Variants in RXRA observed in about 807,000 individuals in gnomAD.
RXRA encodes retinoic acid receptor RXR-alpha.
In RXRA, 5 loss-of-function variants were observed where a neutral mutation model predicts 44.5. The observed-to-expected ratio is 0.11, with a 90% CI of 0.06 to 0.24. The LOEUF is 0.24. RXRA is among the 10% of genes least tolerant of loss of function. The pLI, the probability that RXRA is intolerant of heterozygous loss-of-function variation, is 1.00. For missense variants in RXRA, 412 were observed against 646.5 expected, an observed-to-expected ratio of 0.64 and a Z score of 3.93; for synonymous variants, 291 against 271.4, an observed-to-expected ratio of 1.07 and a Z score of -0.71.
chr9:134,377,575 C>T (rs544585280), intron 1 of RXRA, among the ~76,000 whole-genome samples: 9 of 152,324 alleles, frequency 5.9e-5, no homozygotes, highest in East Asian at 1.9e-4. Flanking sequence ...CCAGCTCCCG[C>T]GACCCCTCGG....
rs548642529 is a variant in RXRA at position 134,337,738 on chromosome 9, A to G, written c.28+11079A>G. 2.6e-5 allele frequency among the ~76,000 whole-genome samples: 4 copies of G among 152,120 alleles called. No homozygotes were observed. In the South Asian group the frequency reaches 6.2e-4, roughly 24 times the overall value. On this transcript the variant is annotated intron_variant, in intron 1 of 9. Coordinates refer to ENST00000481739, the MANE Select transcript of RXRA (RefSeq NM_002957.6). ...CCTGTGTCTTCACTTTGCGTCGTCG[A>G]AGGTTTCCAGGGCAGAGCTCGCTGA...
intron 1 of RXRA, among the ~76,000 whole-genome samples, chr9:134,377,049 G>A (rs750376268): frequency 2.0e-5 from 3 of 152,216 alleles, no homozygotes; most frequent in Non-Finnish European, 2.9e-5. Flanking sequence ...CCCTGTGACT[G>A]CTGGCCTAGG....
At chr9:134,326,995 C>G (rs76990528) in intron 1 of RXRA, among the ~76,000 whole-genome samples, 3 of 151,570 alleles carry the variant, frequency 2.0e-5, no homozygotes, top group Non-Finnish European at 4.4e-5. Flanking sequence ...GGAACCCGGC[C>G]GGAGCGGGAG....
chr9:134,328,743 C>G (rs781903933), intron 1 of RXRA, among the ~76,000 whole-genome samples: 1 of 152,300 alleles, frequency 6.6e-6, no homozygotes, highest in South Asian at 2.1e-4. Flanking sequence ...CCCGGCTGGC[C>G]GACCGGTCAG....
chr9:134,373,127 G>A (rs1399004958), intron 1 of RXRA, among the ~76,000 whole-genome samples: 1 of 152,164 alleles, frequency 6.6e-6, no homozygotes, highest in African/African-American at 2.4e-5. Context: ...GCTGGGCTGG[G>A]CCACACAGCC....
intron 6 of RXRA, chr9:134,424,349 T>C: frequency 1.0e-6 from 1 of 985,328 alleles, no homozygotes; most frequent in Non-Finnish European, 1.2e-6. Context: ...CAGCGGCTCT[T>C]TCCGGGAGAT....
rs1831439302 is a variant in RXRA, at chr9:134,426,619, A to G, written c.911-2489A>G. 1 of 985,384 alleles carries G rather than the reference A, an allele frequency of 1.0e-6. No homozygotes were observed. The highest frequency in any genetic ancestry group is 1.2e-6 in the Non-Finnish European group (1 of 829,914). 61.0% of individuals were successfully genotyped at this position (985,384 alleles called of 1,614,324 possible). On this transcript the variant is annotated intron_variant, in intron 6 of 9. Coordinates refer to ENST00000481739, the MANE Select transcript of RXRA (RefSeq NM_002957.6). The surrounding 1 kb of genome is among the most constrained non-coding windows in gnomAD (Gnocchi z 4.6). ...CGCCTTCTGACCCCAGCCGTGCACT[A>G]GGCCCCTCTGCTGGGCACACCAGAG...
chr9:134,330,542 C>G (rs1013020072), intron 1 of RXRA, among the ~76,000 whole-genome samples: 1 of 152,210 alleles, frequency 6.6e-6, no homozygotes, highest in Non-Finnish European at 1.5e-5. Flanking sequence ...CCTCCTCCCC[C>G]CTGCACCTTG....
At chr9:134,405,687 T>A (rs1350179614) in intron 2 of RXRA, 1 of 152,386 alleles carries the variant, frequency 6.6e-6, no homozygotes, top group Non-Finnish European at 1.5e-5. Flanking sequence ...TCCTTTGTGC[T>A]TCCGAGCAAC....
chr9:134,337,956 T>C (rs1308633261), intron 1 of RXRA, among the ~76,000 whole-genome samples: 3 of 152,088 alleles, frequency 2.0e-5, no homozygotes, highest in African/African-American at 4.8e-5. Context: ...GATGGGTGAC[T>C]GCGCCCCCAG....
chr9:134,425,097 C>G (rs1487090034), intron 6 of RXRA: 20 of 985,386 alleles, frequency 2.0e-5, no homozygotes, highest in Non-Finnish European at 2.3e-5. Flanking sequence ...GGTCTCTGCT[C>G]ACTCCGGGGA....
chr9:134,348,832 C>T (rs1318326262), intron 1 of RXRA, among the ~76,000 whole-genome samples: 1 of 152,220 alleles, frequency 6.6e-6, no homozygotes, highest in African/African-American at 2.4e-5. Context: ...GAAACCGGGC[C>T]TGGGGTTGCA....
intron 1 of RXRA, among the ~76,000 whole-genome samples, chr9:134,376,742 A>C (rs1169001223): frequency 5.9e-5 from 3 of 50,868 alleles, no homozygotes; most frequent in African/African-American, 1.9e-4. Context: ...ATGGAAATGA[A>C]AGCGTGGTAG....
At chr9:134,413,678 G>C (rs544406458) in intron 4 of RXRA, among the ~76,000 whole-genome samples, 168 of 152,298 alleles carry the variant, frequency 1.1e-3, no homozygotes, top group African/African-American at 3.8e-3. Context: ...CCTCGGCTCC[G>C]ACATGCCTGC....
Position 134,326,565 on chromosome 9 carries a change from C to T in RXRA, c.-67C>T. 2.0e-6 allele frequency: 1 copy of T among 499,790 alleles called. No homozygotes were observed. Among genetic ancestry groups the T allele is most frequent in the Non-Finnish European group, 2.6e-6 (1 of 391,494 alleles). 31.0% of individuals were successfully genotyped at this position (499,790 alleles called of 1,614,324 possible). A position where few individuals can be genotyped will look rare whatever the true frequency, so the allele number is the denominator to read the frequency against. ...CCGCCGCCCGGGCCCGGGCCGGCCGCGCCGGGGGCCGCCGCGCCCGCCGCC... is the reference window on the plus strand; with the variant it reads ...CCGCCGCCCGGGCCCGGGCCGGCCGTGCCGGGGGCCGCCGCGCCCGCCGCC... On this transcript the variant is annotated 5_prime_UTR_variant, in exon 1 of 10. Coordinates refer to ENST00000481739, the MANE Select transcript of RXRA (RefSeq NM_002957.6).
Position 134,429,202 on chromosome 9 carries a change from C to T in RXRA, c.1005C>T (p.Asn335=), listed in dbSNP as rs1298954134. 3 of 1,612,762 alleles carry T rather than the reference C, an allele frequency of 1.9e-6. No individual in the cohort carries two copies. Among genetic ancestry groups the T allele is most frequent in the African/African-American group, 1.3e-5 (1 of 74,944 alleles). The change falls in exon 7 of 10, where the codon AAC becomes AAT. Residue 335 remains asparagine, a synonymous_variant. Coordinates refer to ENST00000481739, the MANE Select transcript of RXRA (RefSeq NM_002957.6). ...LLATGLHVHR[N]SAHSAGVGAI... ...CCACCGGGCTGCACGTCCACCGGAA[C>T]AGCGCCCACAGCGCAGGGGTGGGCG... is the stretch of plus-strand genomic sequence containing the variant.
intron 1 of RXRA, among the ~76,000 whole-genome samples, chr9:134,340,007 C>T (rs1360669979): frequency 2.0e-5 from 3 of 152,044 alleles, no homozygotes; most frequent in Non-Finnish European, 4.4e-5. Context: ...ACATCTGTGT[C>T]CATGTCTGAG....
intron 1 of RXRA, among the ~76,000 whole-genome samples, chr9:134,334,309 G>A (rs547013917): frequency 2.0e-5 from 3 of 152,372 alleles, no homozygotes; most frequent in African/African-American, 7.2e-5. Flanking sequence ...GGGATCAGAA[G>A]CACCTCTCCT....
chr9:134,424,078 G>A lies in RXRA; in HGVS notation c.910+2273G>A, dbSNP rs1019392761. 1.0e-5 allele frequency: 10 copies of A among 985,296 alleles called. No homozygotes were observed. The South Asian group carries it at 3.8e-4, about 37-fold the overall frequency. The allele number at this position is 985,296 out of a possible 1,614,324, so 61.0% of individuals were successfully genotyped here. A position where few individuals can be genotyped will look rare whatever the true frequency, so the allele number is the denominator to read the frequency against. On this transcript the variant is annotated intron_variant, in intron 6 of 9. Transcript: ENST00000481739. ...TTCTGGCTCCAGCCTCAGCCTGTGT[G>A]GGGTGTTCGTGGTGGAGTGCGGTGC...
Sources: gnomAD v4.1 joint callset for allele counts (sites outside exome capture counted in the v4.1 genomes callset) on GRCh38, gnomAD v4.1.1 for gene constraint, Gnocchi (gnomAD v3.1) non-coding constraint, MANE v1.5 for transcripts, NCBI Gene and HGNC (gene_info 2026-07-23, HGNC 2026-07-21) for gene names.